Variants in ATXN7L1 observed in about 807,000 individuals in gnomAD.
ATXN7L1 encodes ataxin 7 like 1.
ATXN7L1 carries 15 observed loss-of-function variants against 70.8 expected under a neutral mutation model. That is an observed-to-expected ratio of 0.21 (90% CI 0.14 to 0.33). The LOEUF (loss-of-function observed/expected upper bound fraction) is 0.33. Among genes scored for constraint, ATXN7L1 ranks in the 10% least tolerant of loss-of-function variants. The pLI is 1.00. For missense variants in ATXN7L1, 975 were observed against 1,097.1 expected (o/e 0.89, Z 1.57); for synonymous variants, 440 against 445.1 (o/e 0.99, Z 0.14).
chr7:105,623,745 C>T (rs1286232693), intron 8 of ATXN7L1, among the ~76,000 whole-genome samples: 1 of 152,212 alleles, frequency 6.6e-6, no homozygotes, highest in Non-Finnish European at 1.5e-5. Context: ...AGAGGGTCAG[C>T]TCCTGAGTGC....
chr7:105,632,567 T>C (rs1796748703), intron 7 of ATXN7L1, among the ~76,000 whole-genome samples: 1 of 152,076 alleles, frequency 6.6e-6, no homozygotes, highest in South Asian at 2.1e-4. Context: ...CAGAAGAGGA[T>C]AAGTATCTCC....
At chr7:105,656,073 C>T (rs1400080917) in intron 4 of ATXN7L1, among the ~76,000 whole-genome samples, 2 of 152,244 alleles carry the variant, frequency 1.3e-5, no homozygotes, top group Admixed American at 6.5e-5. Flanking sequence ...CTCCTCCTAC[C>T]TCCTCTCTGC....
chr7:105,653,395 C>A (rs908967276), intron 4 of ATXN7L1, among the ~76,000 whole-genome samples: 4 of 152,164 alleles, frequency 2.6e-5, no homozygotes, highest in Admixed American at 6.5e-5. Flanking sequence ...CTACAGTGAG[C>A]CGAGATCGTG....
chr7:105,621,036 G>A (rs1794857524), intron 8 of ATXN7L1, among the ~76,000 whole-genome samples: 1 of 152,012 alleles, frequency 6.6e-6, no homozygotes, highest in Non-Finnish European at 1.5e-5. Context: ...TGCTTGTGCT[G>A]GTGTCCCAGG....
At chr7:105,699,565 A>C (rs1351944752) in intron 3 of ATXN7L1, among the ~76,000 whole-genome samples, 1 of 152,218 alleles carries the variant, frequency 6.6e-6, no homozygotes. Context: ...TGCAGCTGTC[A>C]AACTTTTTGA....
chr7:105,821,546 G>C (rs1255968424), intron 2 of ATXN7L1, among the ~76,000 whole-genome samples: 1 of 152,188 alleles, frequency 6.6e-6, no homozygotes, highest in Non-Finnish European at 1.5e-5. Flanking sequence ...GATTGTATGG[G>C]TATCAGAGAG....
At chr7:105,791,729 C>T (rs1409946327) in intron 2 of ATXN7L1, among the ~76,000 whole-genome samples, 1 of 152,136 alleles carries the variant, frequency 6.6e-6, no homozygotes, top group Non-Finnish European at 1.5e-5. Context: ...CATTTTATAT[C>T]CAGGAACAGG....
At chr7:105,632,226 AGAC>A (rs1192036327) in intron 7 of ATXN7L1, among the ~76,000 whole-genome samples, 13 of 152,236 alleles carry the variant, frequency 8.5e-5, no homozygotes, top group African/African-American at 3.1e-4. Flanking sequence ...GAAAAAACTA[AGAC>A]GATGATGGAA....
intron 3 of ATXN7L1, among the ~76,000 whole-genome samples, chr7:105,775,153 T>TCC (rs1250244286): frequency 6.6e-6 from 1 of 152,182 alleles, no homozygotes; most frequent in East Asian, 1.9e-4. Flanking sequence ...TATGCAGCAT[T>TCC]CCCAAATTTG....
intron 2 of ATXN7L1, among the ~76,000 whole-genome samples, chr7:105,830,029 C>A (rs1397490735): frequency 6.6e-6 from 1 of 152,196 alleles, no homozygotes; most frequent in Non-Finnish European, 1.5e-5. Flanking sequence ...AAGTGGCTCA[C>A]TCAAAGCTAA....
intron 3 of ATXN7L1, among the ~76,000 whole-genome samples, chr7:105,780,762 T>C (rs1803410861): frequency 6.6e-6 from 1 of 152,218 alleles, no homozygotes; most frequent in South Asian, 2.1e-4. Flanking sequence ...TGGACTGCTG[T>C]AAGATAACTT....
intron 3 of ATXN7L1, among the ~76,000 whole-genome samples, chr7:105,710,143 C>T (rs772254052): frequency 3.2e-4 from 49 of 152,282 alleles, no homozygotes; most frequent in Middle Eastern, 3.4e-3. Flanking sequence ...AGCCACTGTG[C>T]CTGGTCAAAG....
At chr7:105,766,364 T>G (rs902600052) in intron 3 of ATXN7L1, among the ~76,000 whole-genome samples, 1 of 152,080 alleles carries the variant, frequency 6.6e-6, no homozygotes, top group Non-Finnish European at 1.5e-5. Flanking sequence ...AATCAAGTCT[T>G]TTTAGCACAA....
At chr7:105,692,422 C>CTTCG (rs1791077777) in intron 3 of ATXN7L1, among the ~76,000 whole-genome samples, 1 of 117,788 alleles carries the variant, frequency 8.5e-6, no homozygotes, top group Non-Finnish European at 1.8e-5. Flanking sequence ...TCCTTCCTTC[C>CTTCG]TTCCTCCCTC....
At chr7:105,741,472 C>CT (rs1310095542) in intron 3 of ATXN7L1, among the ~76,000 whole-genome samples, 2 of 152,148 alleles carry the variant, frequency 1.3e-5, no homozygotes, top group Non-Finnish European at 2.9e-5. Flanking sequence ...GCTTGACGTT[C>CT]TTTTCTCATA....
chr7:105,856,785 C>T (rs1045732309), intron 2 of ATXN7L1, among the ~76,000 whole-genome samples: 3 of 151,778 alleles, frequency 2.0e-5, no homozygotes, highest in African/African-American at 7.3e-5. Context: ...GTCAGCAGCA[C>T]CCAAAAAGTG....
At chr7:105,787,068 T>TCC (rs10657305) in intron 3 of ATXN7L1, among the ~76,000 whole-genome samples, 1 of 61,708 alleles carries the variant, frequency 1.6e-5, no homozygotes, top group Non-Finnish European at 2.9e-5. Context: ...TGGTACCAGC[T>TCC]GACAGTTTCT....
chr7:105,655,238 G>C (rs987675678), intron 4 of ATXN7L1, among the ~76,000 whole-genome samples: 1 of 152,106 alleles, frequency 6.6e-6, no homozygotes, highest in Non-Finnish European at 1.5e-5. Context: ...AAATTCCCAC[G>C]GCCTCCCTGT....
chr7:105,724,353 C>T (rs1460179155), intron 3 of ATXN7L1, among the ~76,000 whole-genome samples: 3 of 152,070 alleles, frequency 2.0e-5, no homozygotes, highest in South Asian at 2.1e-4. Context: ...GCAGGCGGAT[C>T]ACTTGAGGTC....
Sources: gnomAD v4.1 joint callset for allele counts (sites outside exome capture counted in the v4.1 genomes callset) on GRCh38, gnomAD v4.1.1 for gene constraint, MANE v1.5 for transcripts, NCBI Gene and HGNC (gene_info 2026-07-23, HGNC 2026-07-21) for gene names.